Variants in LRRC37A2 observed in about 807,000 individuals in gnomAD.
LRRC37A2 encodes the protein leucine-rich repeat-containing protein 37A2.
LRRC37A2 carries 9 observed loss-of-function variants against 68.8 expected under a neutral mutation model. That is an observed-to-expected ratio of 0.13 (90% CI 0.08 to 0.23). The LOEUF is 0.23. Ranked by LOEUF, LRRC37A2 falls within the 10% of genes least tolerant of loss-of-function variation. The pLI is 1.00. For missense variants in LRRC37A2, 168 were observed against 950.4 expected, an observed-to-expected ratio of 0.18 and a Z score of 10.82; for synonymous variants, 63 against 367.6, an observed-to-expected ratio of 0.17 and a Z score of 9.48.
At chr17:46,806,806 G>A in the LRRC37A2 span, among the ~76,000 whole-genome samples, 1 of 152,238 alleles carries the variant, frequency 6.6e-6, no homozygotes, top group Non-Finnish European at 1.5e-5. Flanking sequence ...CTGGGTGAAT[G>A]GGGAGATCCC....
the LRRC37A2 span, among the ~76,000 whole-genome samples, chr17:46,788,830 A>G: frequency 0.084 from 12,792 of 152,100 alleles, 863 homozygotes; most frequent in Admixed American, 0.23. Flanking sequence ...TCTCTCCCAG[A>G]TCCCACAGGC....
chr17:46,715,270 C>T, the LRRC37A2 span, among the ~76,000 whole-genome samples: 1 of 152,202 alleles, frequency 6.6e-6, no homozygotes, highest in African/African-American at 2.4e-5. Flanking sequence ...TAGTATCTGT[C>T]CTTCCCAGGA....
the LRRC37A2 span, among the ~76,000 whole-genome samples, chr17:46,957,108 A>G: frequency 6.6e-6 from 1 of 152,176 alleles, no homozygotes; most frequent in Non-Finnish European, 1.5e-5. Context: ...CAGGAGTTCA[A>G]AACCATCCTG....
chr17:46,755,314 A>G, the LRRC37A2 span: 11 of 1,612,260 alleles, frequency 6.8e-6, no homozygotes, highest in Non-Finnish European at 9.3e-6. Context: ...ATGTATTTAG[A>G]TGGATCCTGA....
chr17:46,832,540 C>T, the LRRC37A2 span, among the ~76,000 whole-genome samples: 9 of 151,842 alleles, frequency 5.9e-5, no homozygotes, highest in African/African-American at 1.7e-4. Context: ...AGAGAAAGCC[C>T]GGGCCATAAA....
At chr17:46,782,707 G>A in the LRRC37A2 span, among the ~76,000 whole-genome samples, 1 of 152,232 alleles carries the variant, frequency 6.6e-6, no homozygotes, top group African/African-American at 2.4e-5. Flanking sequence ...CACCCATAGT[G>A]ACGAGGCAAT....
chr17:46,929,901 A>T, the LRRC37A2 span: 1 of 272,200 alleles, frequency 3.7e-6, no homozygotes. Flanking sequence ...AAATTCAGAG[A>T]TGTTTAACTG....
the LRRC37A2 span, among the ~76,000 whole-genome samples, chr17:46,747,098 A>G: frequency 2.0e-5 from 3 of 152,202 alleles, no homozygotes; most frequent in Non-Finnish European, 4.4e-5. Context: ...TGATCATCCT[A>G]TAGTGAAGCC....
chr17:46,931,982 G>A, the LRRC37A2 span: 63 of 1,216,418 alleles, frequency 5.2e-5, no homozygotes, highest in African/African-American at 4.0e-4. Context: ...AGGAAACGCC[G>A]TCTTTCCTCA....
chr17:46,949,460 C>T, the LRRC37A2 span: 1 of 152,098 alleles, frequency 6.6e-6, no homozygotes, highest in African/African-American at 2.4e-5. Flanking sequence ...TGATCACAAG[C>T]CATATGGTCA....
the LRRC37A2 span, among the ~76,000 whole-genome samples, chr17:46,925,059 G>A: frequency 6.6e-6 from 1 of 152,154 alleles, no homozygotes. Flanking sequence ...CCCCAAACAA[G>A]GTGTGTGGAG....
At chr17:46,995,615 A>G in the LRRC37A2 span, among the ~76,000 whole-genome samples, 3 of 152,162 alleles carry the variant, frequency 2.0e-5, no homozygotes, top group Non-Finnish European at 4.4e-5. Context: ...ATATTGTACC[A>G]TGGGGTAGAA....
At chr17:46,532,139 T>C (rs1476055538) in intron 6 of LRRC37A2, among the ~76,000 whole-genome samples, 1 of 149,620 alleles carries the variant, frequency 6.7e-6, no homozygotes, top group Admixed American at 6.6e-5. Flanking sequence ...CCTCAGATGA[T>C]CCACCTGCTT....
chr17:46,850,302 T>C, the LRRC37A2 span, among the ~76,000 whole-genome samples: 17 of 152,344 alleles, frequency 1.1e-4, no homozygotes, highest in Admixed American at 3.3e-4. Flanking sequence ...TGGGATTTGA[T>C]AGGGCTGGCA....
At chr17:46,778,438 C>T in the LRRC37A2 span, among the ~76,000 whole-genome samples, 1 of 152,204 alleles carries the variant, frequency 6.6e-6, no homozygotes, top group Non-Finnish European at 1.5e-5. Context: ...TGGGGCTTAG[C>T]TCCTGGGCCA....
the LRRC37A2 span, among the ~76,000 whole-genome samples, chr17:46,965,324 A>T: frequency 6.6e-6 from 1 of 152,228 alleles, no homozygotes; most frequent in Non-Finnish European, 1.5e-5. Context: ...TGCCCTGCTC[A>T]TGACAAAGCC....
the LRRC37A2 span, among the ~76,000 whole-genome samples, chr17:46,870,233 C>T: frequency 6.6e-6 from 1 of 152,182 alleles, no homozygotes; most frequent in Non-Finnish European, 1.5e-5. Flanking sequence ...AGTCGCCACT[C>T]ACACCAGCCC....
At chr17:47,029,957 G>T in the LRRC37A2 span, among the ~76,000 whole-genome samples, 1 of 151,708 alleles carries the variant, frequency 6.6e-6, no homozygotes, top group African/African-American at 2.4e-5. Context: ...TAAGTACTCA[G>T]GAGGCTGAGG....
the LRRC37A2 span, chr17:47,024,610 G>A: frequency 1.9e-6 from 2 of 1,034,992 alleles, no homozygotes; most frequent in Non-Finnish European, 3.1e-6. Flanking sequence ...TCCACATGCA[G>A]GAGACAGTCC....
Sources: gnomAD v4.1 joint callset for allele counts (sites outside exome capture counted in the v4.1 genomes callset) on GRCh38, gnomAD v4.1.1 for gene constraint, MANE v1.5 for transcripts, NCBI Gene and HGNC (gene_info 2026-07-23, HGNC 2026-07-21) for gene names.